Variants in PARVB observed in about 807,000 individuals in gnomAD.
The protein encoded by PARVB is beta-parvin.
PARVB carries 46 observed loss-of-function variants against 47.0 expected under a neutral mutation model. The observed-to-expected ratio is 0.98, with a 90% CI of 0.77 to 1.25. The LOEUF (loss-of-function observed/expected upper bound fraction) is 1.25, where lower values mean the gene tolerates loss of function less well. PARVB is among the 50% of genes most tolerant of loss of function. The pLI, the probability that PARVB is intolerant of heterozygous loss-of-function variation, is 0.00. For synonymous variants in PARVB, 196 were observed against 196.3 expected (o/e 1.00, Z 0.01); for missense variants, 473 against 471.6 (o/e 1.00, Z -0.03).
chr22:44,099,989 C>A (rs2052402942), intron 2 of PARVB, 64 bp from the exon 3 acceptor site: 5 of 1,364,198 alleles, frequency 3.7e-6, no homozygotes, highest in Non-Finnish European at 4.2e-6. Flanking sequence ...TGGCCTCCCC[C>A]TGGTTCCCCG....
At chr22:44,088,796 G>A (rs2052093469) in intron 1 of PARVB, among the ~76,000 whole-genome samples, 1 of 152,190 alleles carries the variant, frequency 6.6e-6, no homozygotes, top group Non-Finnish European at 1.5e-5. Context: ...TAGGAGACAA[G>A]GTGAATGGCT....
At chr22:44,034,075 A>T (rs1185711333) in intron 1 of PARVB, among the ~76,000 whole-genome samples, 1 of 149,742 alleles carries the variant, frequency 6.7e-6, no homozygotes, top group Non-Finnish European at 1.5e-5. Context: ...TTTGAAGAAT[A>T]TATATATATA....
intron 10 of PARVB, among the ~76,000 whole-genome samples, chr22:44,156,415 G>T (rs1279798705): frequency 3.3e-5 from 5 of 151,816 alleles, no homozygotes; most frequent in African/African-American, 4.8e-5. Flanking sequence ...GAGTAGCTGG[G>T]ATTACAGGCA....
upstream of PARVB, among the ~76,000 whole-genome samples, chr22:44,021,756 G>GACACAC (rs1315040117): frequency 1.2e-3 from 126 of 105,084 alleles, 3 homozygotes; most frequent in African/African-American, 3.3e-3. Context: ...GTAAAGTCTA[G>GACACAC]ACTCACACAC....
intron 2 of PARVB, 45 bp downstream of exon 2, chr22:44,094,062 C>T (rs2076507): frequency 0.058 from 72,303 of 1,240,650 alleles, 2,566 homozygotes; most frequent in East Asian, 0.13. Context: ...GTTGAGCTTC[C>T]GTGGCACTAA....
rs964921254 is a variant in PARVB, at chr22:44,155,094, G to A, written c.844-2888G>A. 2.6e-5 allele frequency among the ~76,000 whole-genome samples: 4 copies of A among 151,812 alleles called. No individual in the cohort carries two copies. Among genetic ancestry groups the A allele is most frequent in the African/African-American group, 9.7e-5 (4 of 41,294 alleles). On this transcript the variant is annotated intron_variant, in intron 10 of 12. Transcript: ENST00000338758. The surrounding 1 kb of genome is among the most constrained non-coding windows in gnomAD (Gnocchi z 4.8). ...TCTGTGTGGTGTGTGTGTGGTGTAG[G>A]TGTGTGTTTTCCCTCCTTTTCCAAA...
intron 10 of PARVB, among the ~76,000 whole-genome samples, chr22:44,157,320 G>C (rs745915323): frequency 7.2e-5 from 11 of 152,154 alleles, no homozygotes; most frequent in Admixed American, 2.0e-4. Flanking sequence ...GTGTCTTCAC[G>C]ACAGCCCTGA....
At chr22:44,163,807 G>C (rs1463392092) in intron 11 of PARVB, 51 bp from the exon 12 acceptor site, 3 of 1,464,084 alleles carry the variant, frequency 2.0e-6, no homozygotes, top group African/African-American at 1.4e-5. Flanking sequence ...TGGGCCGTGT[G>C]TGGGAACGAC....
At chr22:44,163,808 T>G in intron 11 of PARVB, 50 bp from the exon 12 acceptor site, 2 of 1,468,150 alleles carry the variant, frequency 1.4e-6, no homozygotes, top group Non-Finnish European at 1.9e-6. Flanking sequence ...GGGCCGTGTG[T>G]GGGAACGACT....
chr22:44,125,883 A>AT lies in PARVB; in HGVS notation c.377-5603dup, dbSNP rs1481130860. 1.1e-4 allele frequency among the ~76,000 whole-genome samples: 16 copies of AT among 152,182 alleles called. No homozygotes were observed. The highest frequency in any genetic ancestry group is 3.4e-4 in the African/African-American group (14 of 41,444). ...ACCATTGCCATGGCCCAGGCATCTG[A>AT]TGAAGTAGCTCAGCCCCCAGAGTGG... On this transcript the variant is annotated intron_variant, in intron 4 of 12. Coordinates refer to ENST00000338758, the MANE Select transcript of PARVB (RefSeq NM_013327.5). This position sits in a 1 kb window ranked among gnomAD's most constrained non-coding sequence, Gnocchi z 4.1.
Position 44,131,468 on chromosome 22 carries a change from C to T in PARVB, c.377-19C>T. On this transcript the variant is annotated intron_variant, in intron 4 of 12. Coordinates refer to ENST00000338758, the MANE Select transcript of PARVB (RefSeq NM_013327.5). ...TTCCAGCTTTTTCTGACCCTCTTCTCTTGTGCTTCTCATTGCAGAAAAACT... is the reference window on the plus strand; with the variant it reads ...TTCCAGCTTTTTCTGACCCTCTTCTTTTGTGCTTCTCATTGCAGAAAAACT... The T allele has an allele frequency of 6.2e-7, 1 of 1,612,674 alleles. No individual in the cohort carries two copies. Among genetic ancestry groups the T allele is most frequent in the East Asian group, 2.2e-5 (1 of 44,846 alleles).
rs2053157561 is a variant in PARVB, at chr22:44,125,054, G to A, written c.376+5914G>A. The stretch of plus-strand genomic sequence containing the variant: ...GGGAAACCTCCTAGGCTTGTGACAG[G>A]TGGTGGTGAGGGTGGGGGGATGAGG... On this transcript the variant is annotated intron_variant, in intron 4 of 12. Coordinates refer to ENST00000338758, the MANE Select transcript of PARVB (RefSeq NM_013327.5). The surrounding 1 kb of genome is among the most constrained non-coding windows in gnomAD (Gnocchi z 4.1). 6.6e-6 allele frequency among the ~76,000 whole-genome samples: 1 copy of A among 152,000 alleles called. No individual in the cohort carries two copies. The highest frequency in any genetic ancestry group is 2.4e-5 in the African/African-American group (1 of 41,382).
intron 3 of PARVB, chr22:44,110,983 C>T (rs894764184): frequency 6.6e-6 from 1 of 152,114 alleles, no homozygotes; most frequent in Non-Finnish European, 1.5e-5. Context: ...TACTTATTAT[C>T]TTTTTGAACT....
At chr22:44,151,869 T>C (rs2147150372) in intron 10 of PARVB, 1 of 290,274 alleles carries the variant, frequency 3.4e-6, no homozygotes, top group East Asian at 6.9e-5. Context: ...GAGGAGCTGT[T>C]CCTGGCCTCC....
intron 1 of PARVB, among the ~76,000 whole-genome samples, chr22:44,070,666 T>C (rs2051634066): frequency 6.6e-6 from 1 of 152,160 alleles, no homozygotes; most frequent in Non-Finnish European, 1.5e-5. Flanking sequence ...TTAGCTCACA[T>C]TATATGAGGC....
intron 1 of PARVB, among the ~76,000 whole-genome samples, chr22:44,031,165 G>T (rs2050819358): frequency 6.6e-6 from 1 of 152,142 alleles, no homozygotes; most frequent in Non-Finnish European, 1.5e-5. Context: ...GGTCCAAGAA[G>T]GAAAGGCACA....
chr22:44,150,146 G>T (rs1190426506), intron 9 of PARVB: 1 of 150,116 alleles, frequency 6.7e-6, no homozygotes, highest in African/African-American at 2.5e-5. Context: ...AACAGAGCGA[G>T]ACTCCATCTC....
intron 2 of PARVB, among the ~76,000 whole-genome samples, chr22:44,018,815 T>C (rs957635455): frequency 1.3e-5 from 2 of 152,230 alleles, no homozygotes; most frequent in African/African-American, 4.8e-5. Context: ...TCAGGCCACA[T>C]GGGCGGGCTT....
intron 2 of PARVB, among the ~76,000 whole-genome samples, chr22:44,013,881 C>T (rs991772234): frequency 2.6e-5 from 4 of 152,168 alleles, no homozygotes; most frequent in African/African-American, 9.7e-5. Context: ...GATCTGCCCA[C>T]CTCGGCCTCC....
Sources: allele counts gnomAD v4.1 joint callset (sites outside exome capture counted in the v4.1 genomes callset), GRCh38; gene constraint gnomAD v4.1.1; non-coding constraint Gnocchi (gnomAD v3.1); transcripts MANE v1.5; gene names NCBI Gene and HGNC (gene_info 2026-07-23, HGNC 2026-07-21).